The following STK17A variants were observed in gnomAD, a reference collection of about 807,000 sequenced individuals.
STK17A encodes serine/threonine-protein kinase 17A.
In STK17A, 26 loss-of-function variants were observed where a neutral mutation model predicts 43.7. That is an observed-to-expected ratio of 0.60 (90% CI 0.44 to 0.83). The LOEUF (loss-of-function observed/expected upper bound fraction) is 0.83, where lower values mean the gene tolerates loss of function less well. Among genes scored for constraint, STK17A ranks in the 40% least tolerant of loss-of-function variants. STK17A has a pLI of 0.00. For missense variants in STK17A, 476 were observed against 511.6 expected, an observed-to-expected ratio of 0.93 and a Z score of 0.67; for synonymous variants, 191 against 182.5, an observed-to-expected ratio of 1.05 and a Z score of -0.38.
chr7:43,607,451 C>T (rs1295425550), intron 2 of STK17A, among the ~76,000 whole-genome samples: 1 of 151,826 alleles, frequency 6.6e-6, no homozygotes, highest in Non-Finnish European at 1.5e-5. Context: ...AGATCGAGAT[C>T]ATCCTGGCCA....
intron 2 of STK17A, among the ~76,000 whole-genome samples, chr7:43,604,808 A>G (rs1032605560): frequency 1.3e-5 from 2 of 152,108 alleles, no homozygotes; most frequent in Admixed American, 6.5e-5. Flanking sequence ...CTTGAATTAC[A>G]GTGTATTAAA....
chr7:43,587,154 GTTTTTTT>G (rs71011929), intron 1 of STK17A, among the ~76,000 whole-genome samples: 2 of 112,096 alleles, frequency 1.8e-5, no homozygotes, highest in Non-Finnish European at 3.6e-5. Context: ...ATTGTTTTTT[GTTTTTTT>G]TTTTTTTTTT....
chr7:43,624,023 A>T, intron 6 of STK17A, 135 bp downstream of exon 6: 1 of 600,682 alleles, frequency 1.7e-6, no homozygotes, highest in Non-Finnish European at 2.5e-6. Context: ...TAATGGAAAC[A>T]CAAAAATGTT....
rs754172558 is a variant in STK17A, at chr7:43,627,011, G to T, written c.*2169G>T. On this transcript the variant is annotated 3_prime_UTR_variant, in exon 7 of 7. Coordinates refer to ENST00000319357, the MANE Select transcript of STK17A (RefSeq NM_004760.3). ...GGCCAAATAAAATCTATTAATAACT[G>T]CCAGCTAGCTCTACACTTATCTAAA... 4.0e-5 allele frequency among the ~76,000 whole-genome samples: 6 copies of T among 151,610 alleles called. No individual in the cohort carries two copies. The highest frequency in any genetic ancestry group is 8.8e-5 in the Non-Finnish European group (6 of 67,892).
At chr7:43,595,831 A>C in intron 1 of STK17A, 70 bp from the exon 2 acceptor site, 1 of 1,466,238 alleles carries the variant, frequency 6.8e-7, no homozygotes, top group South Asian at 1.3e-5. Flanking sequence ...GGTATTTGGA[A>C]ATTTCATTGA....
chr7:43,583,432 G>C lies in STK17A; in HGVS notation c.189G>C (p.Pro63=), dbSNP rs1027623371. The C allele has an allele frequency of 8.4e-5, 115 of 1,374,040 alleles. No individual in the cohort carries two copies. The highest frequency in any genetic ancestry group is 1.1e-4 in the Non-Finnish European group (113 of 1,064,530). The allele number at this position is 1,374,040 out of a possible 1,614,324, so 85.1% of individuals were successfully genotyped here. The change falls in exon 1 of 7, where the codon CCG becomes CCC. Residue 63 remains proline, a synonymous_variant. Coordinates refer to ENST00000319357, the MANE Select transcript of STK17A (RefSeq NM_004760.3). ...EPFQDGYSLC[P]GRELGRGKFA... ...TCCAGGACGGCTACAGCCTGTGCCC[G>C]GGCCGGGAGCTGGGCAGGTGAGGAC...
chr7:43,614,759 C>T (rs1409824777), intron 3 of STK17A, among the ~76,000 whole-genome samples: 1 of 152,158 alleles, frequency 6.6e-6, no homozygotes, highest in Non-Finnish European at 1.5e-5. Context: ...ATTGGTGTAT[C>T]ATAGATGCAT....
In STK17A at chr7:43,601,620, T is replaced by C. The variant is rs182719314; in HGVS notation, c.419+5507T>C. ...CCAGTCTTCACCCGGCTTCTGACTT[T>C]TTTCTTCCCTTTTCTTTCCTTCTCC... On this transcript the variant is annotated intron_variant, in intron 2 of 6. Coordinates refer to ENST00000319357, the MANE Select transcript of STK17A (RefSeq NM_004760.3). Among the ~76,000 whole-genome samples, 5 of 150,188 alleles carry C rather than the reference T, an allele frequency of 3.3e-5. No homozygotes were observed. In the Admixed American group the frequency reaches 3.4e-4, roughly 10 times the overall value.
At chr7:43,595,289 C>T (rs10267132) in intron 1 of STK17A, among the ~76,000 whole-genome samples, 1,838 of 77,718 alleles carry the variant, frequency 0.024, 37 homozygotes, top group African/African-American at 0.064. Context: ...TTTTTTTTTC[C>T]CCCCTGGAGA....
At chr7:43,617,982 G>A (rs1282047303) in intron 3 of STK17A, among the ~76,000 whole-genome samples, 1 of 152,190 alleles carries the variant, frequency 6.6e-6, no homozygotes, top group Non-Finnish European at 1.5e-5. Context: ...CACTGCTAAG[G>A]GAGGGGTCCA....
Position 43,583,280 on chromosome 7 carries a change from T to C in STK17A, c.37T>C (p.Ser13Pro). ...PLEKPGSGGS[S>P]PGATSGSGRA... ...GGAGAAGCCAGGCAGCGGCGGCTCC[T>C]CCCCAGGCGCCACCTCAGGCTCGGG... The change falls in exon 1 of 7, where the codon TCC becomes CCC. Residue 13 changes from serine (S) to proline (P), a missense_variant. Ser to Pro is a moderately conservative substitution (Grantham distance 74). Around this residue, in one of 3 missense-constraint regions of STK17A, gnomAD observed 320 missense variants for 326.3 expected, o/e 0.98. Coordinates refer to ENST00000319357, the MANE Select transcript of STK17A (RefSeq NM_004760.3). 1 of 1,542,414 alleles carries C rather than the reference T, an allele frequency of 6.5e-7. No individual in the cohort carries two copies. The highest frequency in any genetic ancestry group is 8.7e-7 in the Non-Finnish European group (1 of 1,147,462).
At chr7:43,615,038 A>G (rs1206932933) in intron 3 of STK17A, among the ~76,000 whole-genome samples, 1 of 152,218 alleles carries the variant, frequency 6.6e-6, no homozygotes, top group East Asian at 1.9e-4. Context: ...CCCTAGCAGT[A>G]TTTCACCTGG....
At chr7:43,617,126 C>CCCAGCTTCATGGAGCCGGGGGAT (rs1289920267) in intron 3 of STK17A, among the ~76,000 whole-genome samples, 3 of 151,874 alleles carry the variant, frequency 2.0e-5, no homozygotes, top group African/African-American at 7.3e-5. Context: ...TCCCGTGGGA[C>CCCAGCTTCATGGAGCCGGGGGAT]CCAGCTTCAT....
chr7:43,623,269 T>G, intron 4 of STK17A: 1 of 293,444 alleles, frequency 3.4e-6, no homozygotes, highest in Non-Finnish European at 6.3e-6. Flanking sequence ...CATGATCTGA[T>G]AGAGACAATG....
intron 1 of STK17A, 66 bp downstream of exon 1, chr7:43,583,515 A>G (rs2082416166): frequency 1.7e-6 from 2 of 1,211,372 alleles, no homozygotes; most frequent in South Asian, 3.4e-5. Flanking sequence ...GGGCGCCGAT[A>G]AGTGCCGGCG....
intron 2 of STK17A, among the ~76,000 whole-genome samples, chr7:43,607,073 G>A (rs762335087): frequency 3.3e-5 from 5 of 151,090 alleles, no homozygotes; most frequent in East Asian, 2.0e-4. Flanking sequence ...ACAGGCATGC[G>A]CTACCATGCC....
rs770356144 is a variant in STK17A, at chr7:43,608,374, C to G, written c.538C>G (p.Arg180Gly). The G allele has an allele frequency of 3.1e-6, 5 of 1,608,932 alleles. No homozygotes were observed. In the East Asian group the frequency reaches 1.1e-4, roughly 36 times the overall value. ...AGAAGGTGTTCACTTTTTACACACTCGTGATGTAGTTCATCTTGATTTGAA... is the reference window on the plus strand; with the variant it reads ...AGAAGGTGTTCACTTTTTACACACTGGTGATGTAGTTCATCTTGATTTGAA... ...ILEGVHFLHT[R>G]DVVHLDLKPQ... Residue 180 changes from arginine (R) to glycine (G), a missense_variant, in exon 3 of 7, where the codon CGT (arginine) becomes GGT (glycine). Transcript: ENST00000319357.
intron 4 of STK17A, 51 bp from the exon 5 acceptor site, chr7:43,623,521 T>G: frequency 6.5e-7 from 1 of 1,528,930 alleles, no homozygotes; most frequent in Non-Finnish European, 9.0e-7. Context: ...TAGAGCAAAT[T>G]AGGAATTTTT....
At chr7:43,621,076 G>C (rs1177127914) in intron 4 of STK17A, among the ~76,000 whole-genome samples, 1 of 152,214 alleles carries the variant, frequency 6.6e-6, no homozygotes, top group Non-Finnish European at 1.5e-5. Flanking sequence ...CCGGAGCACA[G>C]AAAGACTCAG....
Sources: gnomAD v4.1 joint callset for allele counts (sites outside exome capture counted in the v4.1 genomes callset) on GRCh38, gnomAD v4.1.1 for gene constraint, gnomAD v4.1.1 regional missense constraint, MANE v1.5 for transcripts, NCBI Gene and HGNC (gene_info 2026-07-23, HGNC 2026-07-21) for gene names.